The following ASAP2 variants were observed in gnomAD, a reference collection of about 807,000 sequenced individuals.
ASAP2 encodes the protein ArfGAP with SH3 domain, ankyrin repeat and PH domain 2, also known as arf-GAP with SH3 domain, ANK repeat and PH domain-containing protein 2.
A neutral mutation model predicts 131.4 loss-of-function variants in ASAP2; 45 were observed. The observed-to-expected ratio is 0.34, with a 90% CI of 0.27 to 0.44. ASAP2 has a LOEUF of 0.44. Ranked by LOEUF, ASAP2 falls within the 20% of genes least tolerant of loss-of-function variation. ASAP2 has a pLI of 1.00. For synonymous variants in ASAP2, 510 were observed against 503.0 expected, an observed-to-expected ratio of 1.01 and a Z score of -0.19; for missense variants, 1,011 against 1,297.0, an observed-to-expected ratio of 0.78 and a Z score of 3.39.
rs751435590 is a variant in ASAP2 at position 9,279,371 on chromosome 2, A to G, written c.181A>G (p.Ile61Val). 2 of 1,614,174 alleles carry G rather than the reference A, an allele frequency of 1.2e-6. No individual in the cohort carries two copies. Among genetic ancestry groups the G allele is most frequent in the Non-Finnish European group, 1.7e-6 (2 of 1,180,000 alleles). Reference sequence around the variant, plus strand: ...CAAAATGAAGAAATCCGTGAAAGCAATCAACAGCTCTGGGCTGGGTGAGTA... The same window carrying G: ...CAAAATGAAGAAATCCGTGAAAGCAGTCAACAGCTCTGGGCTGGGTGAGTA... ...LYKMKKSVKA[I>V]NSSGLAHVEN... Residue 61 changes from isoleucine to valine, a missense_variant, in exon 2 of 28, where the codon ATC (isoleucine) becomes GTC (valine). Transcript: ENST00000281419.
intron 7 of ASAP2, among the ~76,000 whole-genome samples, chr2:9,331,992 G>A (rs1170795528): frequency 6.6e-6 from 1 of 152,108 alleles, no homozygotes; most frequent in East Asian, 1.9e-4. Context: ...GGAATGTGGT[G>A]GCGTGAAGGC....
In ASAP2 at chr2:9,395,594, CTTTTTTTTTTTTTTTT is replaced by C; in HGVS notation, c.2684+1963_2684+1978del. On this transcript the variant is annotated intron_variant, in intron 24 of 27. Transcript: ENST00000281419. ...GTTTTGTTTTTCTTGTGTTTTTTTTCTTTTTTTTTTTTTTTTTTTTTTTTTTTTTTTGAGATGGAGT... is the reference window on the plus strand; with the variant it reads ...GTTTTGTTTTTCTTGTGTTTTTTTTCTTTTTTTTTTTTTTTGAGATGGAGT... 8.3e-3 allele frequency among the ~76,000 whole-genome samples: 489 copies of C among 59,064 alleles called. 3 individuals carry two copies. The highest frequency in any genetic ancestry group is 0.025 in the African/African-American group (469 of 18,974). 38.7% of individuals were successfully genotyped at this position (59,064 alleles called of 152,430 possible).
At chr2:9,331,587 G>A (rs769906640) in intron 7 of ASAP2, among the ~76,000 whole-genome samples, 3 of 152,134 alleles carry the variant, frequency 2.0e-5, no homozygotes, top group Non-Finnish European at 4.4e-5. Context: ...GGCCAACATG[G>A]TGAAACCTGG....
chr2:9,317,606 T>A (rs1204786898), intron 3 of ASAP2, among the ~76,000 whole-genome samples: 3 of 146,704 alleles, frequency 2.0e-5, no homozygotes, highest in Non-Finnish European at 4.5e-5. Context: ...ATTCACGCAC[T>A]CACATCCACA....
Position 9,249,855 on chromosome 2 carries a change from G to T in ASAP2, c.127-29462G>T, listed in dbSNP as rs1664586929. 4.6e-5 allele frequency among the ~76,000 whole-genome samples: 7 copies of T among 152,334 alleles called. No homozygotes were observed. In the South Asian group the frequency reaches 1.4e-3, roughly 32 times the overall value. ...AGAGAGGCTACCCTGAAAACACTCT[G>T]CTAGGCTTCCAGATTTTTGTTTTGG... On this transcript the variant is annotated intron_variant, in intron 1 of 27. Transcript: ENST00000281419.
intron 9 of ASAP2, 119 bp from the exon 10 acceptor site, chr2:9,344,413 C>T (rs6724103): frequency 0.96 from 770,695 of 799,374 alleles, 374,241 homozygotes; most frequent in Non-Finnish European, 1. Flanking sequence ...AGGGAAATTT[C>T]TCCAATTTTT....
chr2:9,356,261 A>C lies in ASAP2; in HGVS notation c.1243A>C (p.Ile415Leu). The change falls in exon 14 of 28, where the codon ATC becomes CTC. Residue 415 changes from isoleucine (I) to leucine (L), a missense_variant. By Grantham distance (5) the Ile-to-Leu change is conservative. Transcript: ENST00000281419. ...KGDDNTGENN[I>L]VQELTKEIIS... ...GGATGACAATACTGGAGAAAATAAC[A>C]TCGTCCAAGAACTGACAAAGGAGAT... The C allele has an allele frequency of 6.2e-7, 1 of 1,614,148 alleles. No homozygotes were observed. Among genetic ancestry groups the C allele is most frequent in the Non-Finnish European group, 8.5e-7 (1 of 1,179,974 alleles).
At chr2:9,285,812 T>C (rs1157219559) in intron 2 of ASAP2, among the ~76,000 whole-genome samples, 1 of 152,198 alleles carries the variant, frequency 6.6e-6, no homozygotes. Context: ...AGAGTGATAT[T>C]CCTACCCTCA....
At position 9,391,135 on chromosome 2, in the gene ASAP2, A is replaced by G; in HGVS notation, c.2457A>G (p.Arg819=). ...SVSVDGGSRQ[R]SSSDPPAVHP... is the part of the protein sequence containing the mutation. ...GTGTGGACGGTGGAAGCCGGCAGCG[A>G]TCTTCGTCAGATCCGCCAGCTGTCC... The change falls in exon 23 of 28, where the codon CGA becomes CGG. Residue 819 remains arginine, a synonymous_variant. Transcript: ENST00000281419. The G allele has an allele frequency of 6.2e-7, 1 of 1,613,956 alleles. No homozygotes were observed. Among genetic ancestry groups the G allele is most frequent in the Non-Finnish European group, 8.5e-7 (1 of 1,179,994 alleles).
rs985861696 is a variant in ASAP2 at position 9,268,258 on chromosome 2, C to T, written c.127-11059C>T. ...TTTACCATCGACATTTCGGTTTATC[C>T]AGTTGGGGGCTGTTTTGAGGAGTGT... is the stretch of plus-strand genomic sequence containing the variant. On this transcript the variant is annotated intron_variant, in intron 1 of 27. Transcript: ENST00000281419. This position sits in a 1 kb window ranked among gnomAD's most constrained non-coding sequence, Gnocchi z 4.1. 1.3e-5 allele frequency among the ~76,000 whole-genome samples: 2 copies of T among 152,126 alleles called. No individual in the cohort carries two copies. The highest frequency in any genetic ancestry group is 2.4e-5 in the African/African-American group (1 of 41,432).
chr2:9,344,432 T>TA (rs79044067), intron 9 of ASAP2, 100 bp from the exon 10 acceptor site: 49 of 1,010,030 alleles, frequency 4.9e-5, no homozygotes, highest in African/African-American at 4.5e-4. Flanking sequence ...TTGTTGTTGT[T>TA]AAAAAAAAAA....
intron 15 of ASAP2, among the ~76,000 whole-genome samples, chr2:9,364,279 A>T (rs1002227526): frequency 6.6e-6 from 1 of 152,096 alleles, no homozygotes; most frequent in Non-Finnish European, 1.5e-5. Flanking sequence ...AGGCTGAGGC[A>T]GGCAGATCAC....
At chr2:9,317,117 A>ATCACATCCACATTCACACAC (rs1553311216) in intron 3 of ASAP2, among the ~76,000 whole-genome samples, 1,626 of 101,228 alleles carry the variant, frequency 0.016, 35 homozygotes, top group African/African-American at 0.053. Context: ...ACCCCACGCA[A>ATCACATCCACATTCACACAC]TCACAACCAC....
chr2:9,243,915 T>G (rs1204097742), intron 1 of ASAP2, among the ~76,000 whole-genome samples: 1 of 152,162 alleles, frequency 6.6e-6, no homozygotes, highest in Non-Finnish European at 1.5e-5. Context: ...AAATGTGCTG[T>G]GTGTGTGTTA....
intron 1 of ASAP2, among the ~76,000 whole-genome samples, chr2:9,230,315 G>T (rs781538999): frequency 4.6e-5 from 7 of 152,234 alleles, no homozygotes; most frequent in Non-Finnish European, 8.8e-5. Context: ...GAGGACCAGT[G>T]TTGGGGACCC....
chr2:9,369,986 A>C (rs998914026), intron 16 of ASAP2, among the ~76,000 whole-genome samples: 1 of 152,128 alleles, frequency 6.6e-6, no homozygotes, highest in African/African-American at 2.4e-5. Context: ...GGACAGGCAC[A>C]TGCCACCACA....
rs1264050421 is a variant in ASAP2, at chr2:9,217,506, G to C, written c.126+10276G>C. Among the ~76,000 whole-genome samples, 2 of 152,184 alleles carry C rather than the reference G, an allele frequency of 1.3e-5. No individual in the cohort carries two copies. The highest frequency in any genetic ancestry group is 1.3e-4 in the Admixed American group (2 of 15,276). Reference sequence around the variant, plus strand: ...GTTGATGAAGACAGTTCCCTCTCATGATGAATTCACTTGTCTTTTAGGATT... The same window carrying C: ...GTTGATGAAGACAGTTCCCTCTCATCATGAATTCACTTGTCTTTTAGGATT... On this transcript the variant is annotated intron_variant, in intron 1 of 27. Coordinates refer to ENST00000281419, the MANE Select transcript of ASAP2 (RefSeq NM_003887.3). This position sits in a 1 kb window ranked among gnomAD's most constrained non-coding sequence, Gnocchi z 4.0.
intron 12 of ASAP2, 150 bp downstream of exon 12, chr2:9,351,045 T>C (rs1016414930): frequency 2.4e-5 from 14 of 595,670 alleles, no homozygotes; most frequent in Admixed American, 1.3e-4. Flanking sequence ...TTGTGTTCCA[T>C]TAGTAACTGC....
intron 1 of ASAP2, among the ~76,000 whole-genome samples, chr2:9,275,319 C>G (rs6729267): frequency 0.037 from 5,600 of 152,240 alleles, 329 homozygotes; most frequent in African/African-American, 0.13. Context: ...TTCTTCCCAC[C>G]TTGGCCTCCC....
Sources: allele counts gnomAD v4.1 joint callset (sites outside exome capture counted in the v4.1 genomes callset), GRCh38; gene constraint gnomAD v4.1.1; non-coding constraint Gnocchi (gnomAD v3.1); transcripts MANE v1.5; gene names NCBI Gene and HGNC (gene_info 2026-07-23, HGNC 2026-07-21).